The following EEA1 variants were observed in gnomAD, a reference collection of about 807,000 sequenced individuals.
EEA1 encodes the protein early endosome antigen 1.
In EEA1, 111 loss-of-function variants were observed where a neutral mutation model predicts 209.2. The observed-to-expected ratio is 0.53, with a 90% CI of 0.45 to 0.62. The LOEUF is 0.62. EEA1 is among the 20% of genes least tolerant of loss of function. The probability of loss-of-function intolerance (pLI) is 0.00; values close to 1 mark genes in which losing one functional copy is unlikely to be tolerated. For missense variants in EEA1, 1,343 were observed against 1,530.8 expected (o/e 0.88, Z 2.05); for synonymous variants, 536 against 540.6 (o/e 0.99, Z 0.12).
chr12:92,875,673 C>T (rs921554363), intron 2 of EEA1, among the ~76,000 whole-genome samples: 19 of 152,128 alleles, frequency 1.2e-4, no homozygotes, highest in African/African-American at 4.6e-4. Flanking sequence ...TTGTCGTTTC[C>T]TTGCTTAAAA....
chr12:92,815,941 G>A (rs749091468), intron 15 of EEA1, among the ~76,000 whole-genome samples: 6 of 151,430 alleles, frequency 4.0e-5, no homozygotes, highest in African/African-American at 7.3e-5. Context: ...CAGAGAGACA[G>A]AGACAGAGAG....
chr12:92,888,225 G>A (rs1438440389), intron 2 of EEA1, among the ~76,000 whole-genome samples: 1 of 152,174 alleles, frequency 6.6e-6, no homozygotes, highest in Non-Finnish European at 1.5e-5. Context: ...ATTTTAGACT[G>A]AAACTGAGAG....
intron 10 of EEA1, among the ~76,000 whole-genome samples, chr12:92,841,786 A>G (rs1275323939): frequency 6.6e-6 from 1 of 152,222 alleles, no homozygotes; most frequent in Non-Finnish European, 1.5e-5. Context: ...TGGGAATATA[A>G]AAGGGTTACA....
chr12:92,871,311 T>C (rs1046662884), intron 2 of EEA1, among the ~76,000 whole-genome samples: 3 of 152,182 alleles, frequency 2.0e-5, no homozygotes, highest in Non-Finnish European at 2.9e-5. Context: ...CCATATTCCC[T>C]TGTAGCATAA....
chr12:92,823,424 T>G (rs1876154060), intron 13 of EEA1, among the ~76,000 whole-genome samples: 1 of 152,240 alleles, frequency 6.6e-6, no homozygotes, highest in Non-Finnish European at 1.5e-5. Flanking sequence ...GTAACTTCTA[T>G]CTGGAGTAAA....
intron 1 of EEA1, among the ~76,000 whole-genome samples, chr12:92,922,260 C>T (rs1881038606): frequency 6.6e-6 from 1 of 152,200 alleles, no homozygotes; most frequent in African/African-American, 2.4e-5. Context: ...TCCTCCTCTA[C>T]CCTTAATCTT....
At chr12:92,782,496 T>A (rs1873946687) in intron 22 of EEA1, among the ~76,000 whole-genome samples, 1 of 152,140 alleles carries the variant, frequency 6.6e-6, no homozygotes, top group Non-Finnish European at 1.5e-5. Context: ...TCAGAGAACA[T>A]ATATATGGTT....
In EEA1 at chr12:92,777,679, A is replaced by C; in HGVS notation, c.3894-16T>G. 6.2e-7 allele frequency: 1 copy of C among 1,606,560 alleles called. No individual in the cohort carries two copies. Among genetic ancestry groups the C allele is most frequent in the Non-Finnish European group, 8.5e-7 (1 of 1,176,718 alleles). Reference sequence around the variant, plus strand: ...TTTAAGACATCTGGAATAGATTGCAAAGAGGTAATTAATTTTTTAGAAAAT... The same window carrying C: ...TTTAAGACATCTGGAATAGATTGCACAGAGGTAATTAATTTTTTAGAAAAT... On this transcript the variant is annotated splice_polypyrimidine_tract_variant and intron_variant, in intron 26 of 28. Coordinates refer to ENST00000322349, the MANE Select transcript of EEA1 (RefSeq NM_003566.4).
In EEA1 at chr12:92,813,158, AC is replaced by A. The variant is rs1304965039; in HGVS notation, c.1930-66del. The A allele has an allele frequency of 8.6e-6, 9 of 1,045,068 alleles. No homozygotes were observed. The African/African-American group carries it at 1.4e-4, about 17-fold the overall frequency. 64.7% of individuals were successfully genotyped at this position (1,045,068 alleles called of 1,614,324 possible). A position where few individuals can be genotyped will look rare whatever the true frequency, so the allele number is the denominator to read the frequency against. The stretch of plus-strand genomic sequence containing the variant: ...TCTTGATTTCCTCTTGCTTGAACGC[AC>A]ACTCCTTTTGTGACTAAACAAACTA... On this transcript the variant is annotated intron_variant, in intron 15 of 28. Coordinates refer to ENST00000322349, the MANE Select transcript of EEA1 (RefSeq NM_003566.4).
At chr12:92,845,472 T>C (rs1057122011) in intron 9 of EEA1, among the ~76,000 whole-genome samples, 2 of 152,166 alleles carry the variant, frequency 1.3e-5, no homozygotes, top group Admixed American at 1.3e-4. Context: ...CAAAGATCTC[T>C]ATTCATACTG....
At position 92,771,955 on chromosome 12, in the gene EEA1, A is replaced by G. The variant is rs749623599; in HGVS notation, c.*4056T>C. ...AATTCTATAAAGCTCACAAAGTAAC[A>G]TGTCTAATATACAATATATTAGATG... On this transcript the variant is annotated 3_prime_UTR_variant, in exon 29 of 29. Transcript: ENST00000322349. The G allele has an allele frequency of 1.3e-5, 2 of 152,036 alleles. No homozygotes were observed. The highest frequency in any genetic ancestry group is 4.8e-5 in the African/African-American group (2 of 41,448). 9.4% of individuals were successfully genotyped at this position (152,036 alleles called of 1,614,324 possible). A position where few individuals can be genotyped will look rare whatever the true frequency, so the allele number is the denominator to read the frequency against.
At chr12:92,860,264 G>A (rs751291738) in intron 3 of EEA1, among the ~76,000 whole-genome samples, 27 of 151,068 alleles carry the variant, frequency 1.8e-4, no homozygotes, top group Non-Finnish European at 3.7e-4. Flanking sequence ...ACCAGATAAC[G>A]TTTTTTTTTC....
At chr12:92,898,721 CT>C (rs1318223951) in intron 1 of EEA1, among the ~76,000 whole-genome samples, 4 of 133,584 alleles carry the variant, frequency 3.0e-5, no homozygotes, top group Non-Finnish European at 6.3e-5. Flanking sequence ...TTTTTTTTTC[CT>C]TTTTTTCCCT....
chr12:92,810,386 C>A (rs538108090), intron 17 of EEA1, among the ~76,000 whole-genome samples: 39 of 152,186 alleles, frequency 2.6e-4, no homozygotes, highest in South Asian at 1.0e-3. Context: ...TCATTAGACA[C>A]TTTTCAGTAA....
At chr12:92,867,880 G>GAC (rs1434891708) in intron 2 of EEA1, among the ~76,000 whole-genome samples, 2 of 138,732 alleles carry the variant, frequency 1.4e-5, no homozygotes, top group African/African-American at 5.3e-5. Flanking sequence ...GAGAGAGAGA[G>GAC]ACACAGTCAC....
intron 21 of EEA1, among the ~76,000 whole-genome samples, chr12:92,791,715 C>T (rs932958328): frequency 1.4e-4 from 21 of 152,230 alleles, no homozygotes; most frequent in Admixed American, 9.8e-4. Flanking sequence ...GACAGATCAA[C>T]GAGACAGAGG....
At chr12:92,903,226 C>T (rs914127981) in intron 1 of EEA1, among the ~76,000 whole-genome samples, 1 of 151,780 alleles carries the variant, frequency 6.6e-6, no homozygotes, top group East Asian at 2.0e-4. Context: ...CATGAGCCAC[C>T]GCGCCCGGCC....
At chr12:92,885,851 A>C (rs936297128) in intron 2 of EEA1, among the ~76,000 whole-genome samples, 4 of 152,222 alleles carry the variant, frequency 2.6e-5, no homozygotes, top group African/African-American at 9.6e-5. Context: ...TGTCGGCTGT[A>C]ATAACATATA....
intron 1 of EEA1, among the ~76,000 whole-genome samples, chr12:92,928,328 C>T (rs1413579285): frequency 3.9e-5 from 6 of 152,204 alleles, no homozygotes. Context: ...ACAGCACAGG[C>T]AGAAACTAAG....
Sources: allele counts gnomAD v4.1 joint callset (sites outside exome capture counted in the v4.1 genomes callset), GRCh38; gene constraint gnomAD v4.1.1; transcripts MANE v1.5; gene names NCBI Gene and HGNC (gene_info 2026-07-23, HGNC 2026-07-21).